Variants in PEBP4 observed in about 807,000 individuals in gnomAD.
PEBP4 encodes the protein phosphatidylethanolamine binding protein 4.
In PEBP4, 22 loss-of-function variants were observed where a neutral mutation model predicts 23.9. The ratio of observed to expected loss-of-function variants is 0.92; its 90% CI spans 0.66 to 1.31. The LOEUF is 1.31. Among genes scored for constraint, PEBP4 ranks in the 40% most tolerant of loss-of-function variants. The probability of loss-of-function intolerance (pLI) is 0.00; values close to 1 mark genes in which losing one functional copy is unlikely to be tolerated. For missense variants in PEBP4, 324 were observed against 281.7 expected (o/e 1.15, Z -1.07); for synonymous variants, 112 against 99.3 (o/e 1.13, Z -0.76).
chr8:22,737,495 G>C (rs898642020), intron 4 of PEBP4, among the ~76,000 whole-genome samples: 1 of 151,966 alleles, frequency 6.6e-6, no homozygotes, highest in Non-Finnish European at 1.5e-5. Flanking sequence ...TCAGATCCCC[G>C]CCCTCCAGGA....
rs139257155 is a variant in PEBP4 at position 22,802,110 on chromosome 8, C to T, written c.357+15527G>A. Among the ~76,000 whole-genome samples the T allele has an allele frequency of 2.3e-4, 35 of 152,322 alleles. No homozygotes were observed. In the East Asian group the frequency reaches 5.8e-3, roughly 25 times the overall value. On this transcript the variant is annotated intron_variant, in intron 4 of 6. Transcript: ENST00000256404. Reference sequence around the variant, plus strand: ...CCAGCATCTCCAGATTCTTCCCAAACGCTCCGGACTGTGGGTTCCTCCTCC... The same window carrying T: ...CCAGCATCTCCAGATTCTTCCCAAATGCTCCGGACTGTGGGTTCCTCCTCC...
intron 1 of PEBP4, among the ~76,000 whole-genome samples, chr8:22,933,697 A>C (rs1809495470): frequency 6.6e-6 from 1 of 152,246 alleles, no homozygotes; most frequent in Non-Finnish European, 1.5e-5. Flanking sequence ...TGAAATGAAA[A>C]GATGACAGTA....
At chr8:22,811,890 G>T (rs1412115908) in intron 4 of PEBP4, among the ~76,000 whole-genome samples, 1 of 152,194 alleles carries the variant, frequency 6.6e-6, no homozygotes, top group Non-Finnish European at 1.5e-5. Context: ...ATTGTCTAAG[G>T]GAGTTTGCTA....
chr8:22,881,396 C>T (rs532964545), intron 3 of PEBP4, among the ~76,000 whole-genome samples: 1 of 152,348 alleles, frequency 6.6e-6, no homozygotes, highest in South Asian at 2.1e-4. Context: ...CAGAGCCCCT[C>T]AGACTCGGGC....
chr8:22,861,383 G>C (rs1248763788), intron 3 of PEBP4, among the ~76,000 whole-genome samples: 3 of 152,158 alleles, frequency 2.0e-5, no homozygotes, highest in Non-Finnish European at 4.4e-5. Flanking sequence ...CTAAGAGATA[G>C]GTTTTTAGCT....
intron 6 of PEBP4, among the ~76,000 whole-genome samples, chr8:22,718,048 C>G (rs1804449354): frequency 1.3e-5 from 2 of 152,180 alleles, no homozygotes; most frequent in African/African-American, 4.8e-5. Context: ...TCCATCACAT[C>G]CAATTACTCC....
chr8:22,840,296 C>T (rs749707747), intron 3 of PEBP4, among the ~76,000 whole-genome samples: 2 of 152,046 alleles, frequency 1.3e-5, no homozygotes, highest in Non-Finnish European at 2.9e-5. Flanking sequence ...GGGCCTTTAA[C>T]AAAGAATTTT....
At chr8:22,773,457 T>G (rs533917628) in intron 4 of PEBP4, among the ~76,000 whole-genome samples, 17 of 152,108 alleles carry the variant, frequency 1.1e-4, no homozygotes, top group African/African-American at 3.9e-4. Flanking sequence ...GATGAGGGGA[T>G]GGGGAAGCTG....
At chr8:22,833,721 G>A (rs192128232) in intron 3 of PEBP4, among the ~76,000 whole-genome samples, 2 of 152,268 alleles carry the variant, frequency 1.3e-5, no homozygotes, top group African/African-American at 4.8e-5. Context: ...TTAGTGGAGA[G>A]CCATTTTCTC....
At chr8:22,810,755 G>A (rs1806608104) in intron 4 of PEBP4, among the ~76,000 whole-genome samples, 1 of 151,220 alleles carries the variant, frequency 6.6e-6, no homozygotes, top group Non-Finnish European at 1.5e-5. Flanking sequence ...TGAGTTTTCT[G>A]CCTGATCCAG....
At chr8:22,900,844 G>A (rs192949020) in intron 3 of PEBP4, among the ~76,000 whole-genome samples, 1 of 151,928 alleles carries the variant, frequency 6.6e-6, no homozygotes, top group African/African-American at 2.4e-5. Context: ...GCTAAAACTA[G>A]GCACTTCACT....
intron 2 of PEBP4, among the ~76,000 whole-genome samples, chr8:22,924,371 A>ACAGGAGAGACATCTCC (rs1809278835): frequency 6.6e-6 from 1 of 152,094 alleles, no homozygotes; most frequent in Non-Finnish European, 1.5e-5. Context: ...TCTAAAAGAA[A>ACAGGAGAGACATCTCC]TGTATTTAAA....
At chr8:22,797,665 G>T (rs914108066) in intron 4 of PEBP4, among the ~76,000 whole-genome samples, 25 of 152,194 alleles carry the variant, frequency 1.6e-4, no homozygotes, top group African/African-American at 5.8e-4. Context: ...GGAGGCTGCT[G>T]GTAGACCCCG....
At chr8:22,819,611 T>G (rs1006277980) in intron 3 of PEBP4, among the ~76,000 whole-genome samples, 1 of 152,114 alleles carries the variant, frequency 6.6e-6, no homozygotes, top group African/African-American at 2.4e-5. Flanking sequence ...TTTTTTGTTT[T>G]GTTTTGTTTT....
chr8:22,870,739 G>A (rs1327871923), intron 3 of PEBP4, among the ~76,000 whole-genome samples: 2 of 152,078 alleles, frequency 1.3e-5, no homozygotes, highest in African/African-American at 4.8e-5. Context: ...CAGTTTTGCT[G>A]GGGACCAAAA....
At chr8:22,938,867 GA>G (rs1289283828) in intron 1 of PEBP4, among the ~76,000 whole-genome samples, 6 of 152,186 alleles carry the variant, frequency 3.9e-5, no homozygotes, top group Admixed American at 2.0e-4. Context: ...GAACATAGCA[GA>G]TGCTTAATAA....
At position 22,837,355 on chromosome 8, in the gene PEBP4, T is replaced by C. The variant is rs77559066; in HGVS notation, c.259-19620A>G. On this transcript the variant is annotated intron_variant, in intron 3 of 6. Transcript: ENST00000256404. ...AAATCAGGCCGTGACTTGTAGCGATTGTTCATTTCCACGGGTGATATTCAC... is the reference window on the plus strand; with the variant it reads ...AAATCAGGCCGTGACTTGTAGCGATCGTTCATTTCCACGGGTGATATTCAC... 8.0e-3 allele frequency among the ~76,000 whole-genome samples: 1,216 copies of C among 152,344 alleles called. 17 individuals carry two copies. The highest frequency in any genetic ancestry group is 0.028 in the African/African-American group (1,147 of 41,566).
intron 3 of PEBP4, among the ~76,000 whole-genome samples, chr8:22,907,281 G>A (rs1025183688): frequency 3.9e-5 from 6 of 152,176 alleles, no homozygotes; most frequent in African/African-American, 1.4e-4. Flanking sequence ...CCAACATGGT[G>A]AAACCCTGTC....
chr8:22,908,087 C>A (rs1359012769), intron 3 of PEBP4, among the ~76,000 whole-genome samples: 1 of 151,490 alleles, frequency 6.6e-6, no homozygotes, highest in African/African-American at 2.4e-5. Context: ...TTGCTCTTGA[C>A]CAAGATGGGG....
Sources: gnomAD v4.1 joint callset for allele counts (sites outside exome capture counted in the v4.1 genomes callset) on GRCh38, gnomAD v4.1.1 for gene constraint, MANE v1.5 for transcripts, NCBI Gene and HGNC (gene_info 2026-07-23, HGNC 2026-07-21) for gene names.